DIABLO: variants seen among roughly 807,000 people sequenced by gnomAD.
DIABLO encodes diablo IAP-binding mitochondrial protein.
Under a neutral mutation model 31.7 loss-of-function variants are expected in DIABLO, and 32 were observed. The ratio of observed to expected loss-of-function variants is 1.01; its 90% CI spans 0.76 to 1.35. DIABLO has a LOEUF of 1.35. Among genes scored for constraint, DIABLO ranks in the 40% most tolerant of loss-of-function variants. The pLI, the probability that DIABLO is intolerant of heterozygous loss-of-function variation, is 0.00. For synonymous variants in DIABLO, 132 were observed against 103.2 expected, an observed-to-expected ratio of 1.28 and a Z score of -1.69; for missense variants, 316 against 286.4, an observed-to-expected ratio of 1.10 and a Z score of -0.75.
At position 122,209,356 on chromosome 12, in the gene DIABLO, C is replaced by CA. The variant is rs893723674; in HGVS notation, c.524-780dup. On this transcript the variant is annotated intron_variant, in intron 5 of 5. Coordinates refer to ENST00000464942, the MANE Select transcript of DIABLO (RefSeq NM_001371333.1). ...CCAGCCTGGGCGACAGACTCCGTCT[C>CA]AAAAAAAAAAGAAAAAAAGAAAAAA... Among the ~76,000 whole-genome samples the CA allele has an allele frequency of 2.1e-3, 264 of 127,752 alleles. 3 individuals carry two copies. Among genetic ancestry groups the CA allele is most frequent in the African/African-American group, 7.2e-3 (183 of 25,488 alleles). 83.8% of individuals were successfully genotyped at this position (127,752 alleles called of 152,430 possible). A position where few individuals can be genotyped will look rare whatever the true frequency, so the allele number is the denominator to read the frequency against.
intron 1 of DIABLO, chr12:122,224,862 G>A (rs1954416337): frequency 4.1e-6 from 6 of 1,467,886 alleles, no homozygotes; most frequent in Non-Finnish European, 5.4e-6. Context: ...CTAGCACTTG[G>A]AAGGCCAAGG....
In DIABLO at chr12:122,225,605, C is replaced by T. The variant is rs982783143; in HGVS notation, c.50+360G>A. ...CTGCCCTCGGGAGGACGTCTTCAGA[C>T]GCTCGTCTCCCTTCCCGGACTCCCC... On this transcript the variant is annotated intron_variant, in intron 1 of 5. Transcript: ENST00000464942. 4.1e-6 allele frequency: 5 copies of T among 1,225,296 alleles called. No homozygotes were observed. The Admixed American group carries it at 1.1e-4, about 28-fold the overall frequency. 75.9% of individuals were successfully genotyped at this position (1,225,296 alleles called of 1,614,324 possible).
intron 4 of DIABLO, 79 bp from the exon 5 acceptor site, chr12:122,216,663 A>C: frequency 1.9e-6 from 3 of 1,552,436 alleles, no homozygotes; most frequent in Non-Finnish European, 2.7e-6. Context: ...GTAGATTTAG[A>C]GAACACTGAT....
Position 122,208,006 on chromosome 12 carries a change from T to TA in DIABLO, c.*374_*375insT, listed in dbSNP as rs1953967820. On this transcript the variant is annotated 3_prime_UTR_variant, in exon 6 of 6. Coordinates refer to ENST00000464942, the MANE Select transcript of DIABLO (RefSeq NM_001371333.1). ...CAGAGGGAACAAGTACTAAATCATT[T>TA]TTGACGACGTAAATAAGACTGAAAA... 2.1e-6 allele frequency: 1 copy of TA among 485,038 alleles called. No homozygotes were observed. The highest frequency in any genetic ancestry group is 1.5e-5 in the South Asian group (1 of 64,732). The allele number at this position is 485,038 out of a possible 1,614,324, so 30.0% of individuals were successfully genotyped here.
rs1213844620 is a variant in DIABLO at position 122,210,569 on chromosome 12, CG to C, written c.524-1993del. On this transcript the variant is annotated intron_variant, in intron 5 of 5. Coordinates refer to ENST00000464942, the MANE Select transcript of DIABLO (RefSeq NM_001371333.1). ...TTTATTTTTTTTATTTTAGTAGAGA[CG>C]GGGTTTCACCACGTTAGCCAGGATG... Among the ~76,000 whole-genome samples the C allele has an allele frequency of 2.6e-5, 4 of 151,052 alleles. No individual in the cohort carries two copies. In the East Asian group the frequency reaches 7.8e-4, roughly 29 times the overall value.
At chr12:122,209,188 G>A (rs996771754) in intron 5 of DIABLO, among the ~76,000 whole-genome samples, 4 of 151,684 alleles carry the variant, frequency 2.6e-5, no homozygotes, top group African/African-American at 4.8e-5. Context: ...TGGTGAACCC[G>A]TCTCTACCAA....
intron 5 of DIABLO, among the ~76,000 whole-genome samples, chr12:122,215,662 GT>G (rs1954193142): frequency 1.3e-5 from 2 of 152,048 alleles, no homozygotes; most frequent in Non-Finnish European, 1.5e-5. Flanking sequence ...CAGGTAGGAT[GT>G]TCTATGATGG....
chr12:122,209,722 A>G (rs1387459620), intron 5 of DIABLO: 2 of 701,380 alleles, frequency 2.9e-6, no homozygotes, highest in Non-Finnish European at 5.2e-6. Context: ...GTATTTCACC[A>G]TCTGGGTATA....
chr12:122,213,507 G>GGAAAAAA (rs1555243478), intron 5 of DIABLO, among the ~76,000 whole-genome samples: 3 of 136,556 alleles, frequency 2.2e-5, no homozygotes, highest in African/African-American at 8.3e-5. Context: ...TTGTCTCAGG[G>GGAAAAAA]AAAAAAAAAA....
At position 122,208,319 on chromosome 12, in the gene DIABLO, A is replaced by G. The variant is rs777511954; in HGVS notation, c.*62T>C. 6.4e-7 allele frequency: 1 copy of G among 1,573,416 alleles called. No individual in the cohort carries two copies. The highest frequency in any genetic ancestry group is 1.3e-5 in the African/African-American group (1 of 74,380). ...ACAGACAGTCATGCCAACCCTGGGC[A>G]GGGTGGCATCTGCCCCTGCTTTCCC... On this transcript the variant is annotated 3_prime_UTR_variant, in exon 6 of 6. Coordinates refer to ENST00000464942, the MANE Select transcript of DIABLO (RefSeq NM_001371333.1).
upstream of DIABLO, chr12:122,226,127 C>G: frequency 1.4e-6 from 2 of 1,461,128 alleles, no homozygotes; most frequent in Non-Finnish European, 1.9e-6. Flanking sequence ...ACGCCCCCAC[C>G]CAAGGAAGCA....
At chr12:122,214,728 T>C (rs1403244935) in intron 5 of DIABLO, among the ~76,000 whole-genome samples, 8 of 152,188 alleles carry the variant, frequency 5.3e-5, no homozygotes, top group Admixed American at 6.5e-5. Flanking sequence ...TCTTTTTTTT[T>C]TCTTGAGACA....
chr12:122,226,167 G>A, upstream of DIABLO: 15 of 1,203,798 alleles, frequency 1.2e-5, no homozygotes, highest in Non-Finnish European at 1.7e-5. Flanking sequence ...GGGGAAAGGG[G>A]GCGAGGCTTA....
At chr12:122,209,675 A>C in intron 5 of DIABLO, 1 of 685,722 alleles carries the variant, frequency 1.5e-6, no homozygotes, top group Non-Finnish European at 2.7e-6. Flanking sequence ...CCCAAAAAAA[A>C]AAATGAGCTC....
Position 122,218,353 on chromosome 12 carries a change from TCTC to T in DIABLO, c.225_227del (p.Arg76del), listed in dbSNP as rs1566025857. On this transcript the variant is annotated inframe_deletion, in exon 3 of 6. Coordinates refer to ENST00000464942, the MANE Select transcript of DIABLO (RefSeq NM_001371333.1). Reference sequence around the variant, plus strand: ...TGCTATCTGTTACCAAAGACACTGCTCTCCTCATCAATGCTTCACTACTAAGGG... The same window carrying T: ...TGCTATCTGTTACCAAAGACACTGCTCTCATCAATGCTTCACTACTAAGGG... 7.4e-6 allele frequency: 12 copies of T among 1,613,998 alleles called. No individual in the cohort carries two copies. Among genetic ancestry groups the T allele is most frequent in the Admixed American group, 1.7e-5 (1 of 59,996 alleles).
At chr12:122,208,669 T>A in intron 5 of DIABLO, 92 bp from the exon 6 acceptor site, 1 of 1,318,596 alleles carries the variant, frequency 7.6e-7, no homozygotes, top group Non-Finnish European at 1.1e-6. Flanking sequence ...GGCTGTCATC[T>A]GAACCCCTCT....
At position 122,210,338 on chromosome 12, in the gene DIABLO, G is replaced by A. The variant is rs1398911170; in HGVS notation, c.524-1761C>T. On this transcript the variant is annotated intron_variant, in intron 5 of 5. Transcript: ENST00000464942. ...CATCCTAGGCCCTGGTGTCCATTTT[G>A]GGGACATCAAAATCTTCGAATACCA... Among the ~76,000 whole-genome samples, 3 of 149,838 alleles carry A rather than the reference G, an allele frequency of 2.0e-5. No individual in the cohort carries two copies. The East Asian group carries it at 5.8e-4, about 29-fold the overall frequency.
At chr12:122,214,293 A>G (rs542908813) in intron 5 of DIABLO, among the ~76,000 whole-genome samples, 2 of 152,026 alleles carry the variant, frequency 1.3e-5, no homozygotes, top group East Asian at 3.9e-4. Context: ...TGATCCTCCT[A>G]TCTTACCCTC....
intron 4 of DIABLO, 57 bp from the exon 5 acceptor site, chr12:122,216,641 G>T: frequency 6.4e-7 from 1 of 1,568,526 alleles, no homozygotes; most frequent in Non-Finnish European, 8.8e-7. Context: ...CCATTTAAAT[G>T]GACTTAAAGT....
Sources: allele counts gnomAD v4.1 joint callset (sites outside exome capture counted in the v4.1 genomes callset), GRCh38; gene constraint gnomAD v4.1.1; transcripts MANE v1.5; gene names NCBI Gene and HGNC (gene_info 2026-07-23, HGNC 2026-07-21).